Variants in CRNN observed in about 807,000 individuals in gnomAD.
CRNN encodes cornulin, also known as 53 kDa putative calcium-binding protein.
CRNN carries 39 observed loss-of-function variants against 44.7 expected under a neutral mutation model. The observed-to-expected ratio is 0.87, with a 90% confidence interval of 0.68 to 1.14. The LOEUF (loss-of-function observed/expected upper bound fraction) is 1.14. Ranked by LOEUF, CRNN falls within the 50% of genes most tolerant of loss-of-function variation. The pLI is 0.00. For missense variants in CRNN, 606 were observed against 605.1 expected, an observed-to-expected ratio of 1.00 and a Z score of -0.02; for synonymous variants, 240 against 231.8, an observed-to-expected ratio of 1.04 and a Z score of -0.32.
intron 1 of CRNN, 112 bp downstream of exon 1, chr1:152,414,102 C>G (rs2101707075): frequency 1.3e-5 from 2 of 152,390 alleles, no homozygotes; most frequent in African/African-American, 4.8e-5. Context: ...TTGCCCAGTG[C>G]TCACAGCTAG....
At chr1:152,413,152 A>G (rs1655820135) in intron 1 of CRNN, among the ~76,000 whole-genome samples, 2 of 152,216 alleles carry the variant, frequency 1.3e-5, no homozygotes, top group African/African-American at 4.8e-5. Flanking sequence ...CTTATCAGAG[A>G]AGTCAGCTTG....
chr1:152,410,680 C>T lies in CRNN; in HGVS notation c.402G>A (p.Gly134=), dbSNP rs774173143. Residue 134 remains glycine (G), a synonymous_variant, in exon 3 of 3, where the codon GGG becomes GGA. Transcript: ENST00000271835. Reference sequence around the variant, plus strand: ...CCTGCTGGCTCTGTCTGTGGCTGCTCCCCTCATAATGCTGCCCTTTCCCCG... The same window carrying T: ...CCTGCTGGCTCTGTCTGTGGCTGCTTCCCTCATAATGCTGCCCTTTCCCCG... ...GRAGKGQHYE[G]SSHRQSQQGS... 2 of 1,613,900 alleles carry T rather than the reference C, an allele frequency of 1.2e-6. No homozygotes were observed. Among genetic ancestry groups the T allele is most frequent in the African/African-American group, 1.3e-5 (1 of 74,920 alleles).
rs151187542 is a variant in CRNN at position 152,411,031 on chromosome 1, C to T, written c.139-88G>A. ...CCAATCTGCTGCCAGCTTCCCCTGC[C>T]TCAGACCCCACACTACACACACATA... On this transcript the variant is annotated intron_variant, in intron 2 of 2. Coordinates refer to ENST00000271835, the MANE Select transcript of CRNN (RefSeq NM_016190.3). 2.9e-4 allele frequency: 427 copies of T among 1,494,524 alleles called. 2 individuals are homozygous for T. In the African/African-American group the frequency reaches 4.7e-3, roughly 16 times the overall value. 92.6% of individuals were successfully genotyped at this position (1,494,524 alleles called of 1,614,324 possible). A position where few individuals can be genotyped will look rare whatever the true frequency, so the allele number is the denominator to read the frequency against.
Position 152,410,936 on chromosome 1 carries a change from T to C in CRNN, c.146A>G (p.His49Arg), listed in dbSNP as rs1485135170. The change falls in exon 3 of 3, where the codon CAC becomes CGC. Residue 49 changes from histidine to arginine, a missense_variant. Coordinates refer to ENST00000271835, the MANE Select transcript of CRNN (RefSeq NM_016190.3). ...QEFADVIVKPHDPATVDEVLR... is the reference protein window; with the variant it reads ...QEFADVIVKPRDPATVDEVLR... ...GACCTCATCCACAGTTGCTGGATCG[T>C]GGGGTTTCTGAGGAGAAGATGAGGT... 1 of 1,605,188 alleles carries C rather than the reference T, an allele frequency of 6.2e-7. No individual in the cohort carries two copies. The highest frequency in any genetic ancestry group is 1.3e-5 in the African/African-American group (1 of 74,892).
In CRNN at chr1:152,412,180, A is replaced by T; in HGVS notation, c.54T>A (p.Tyr18Ter). 6.2e-7 allele frequency: 1 copy of T among 1,613,736 alleles called. No homozygotes were observed. The highest frequency in any genetic ancestry group is 8.5e-7 in the Non-Finnish European group (1 of 1,179,664). ...INGIIEAFRR[Y>*]ARTEGNCTAL... is the part of the protein sequence containing the mutation. ...CTGTGCAGTTGCCCTCCGTCCTTGC[A>T]TAGCGCCTGAAGGCCTCGATGATCC... The change falls in exon 2 of 3, where the codon TAT (tyrosine) becomes TAA (stop). Residue 18 changes from tyrosine (Y) to a stop codon, truncating the protein, a stop_gained. Transcript: ENST00000271835. LOFTEE classifies it high-confidence loss of function.
rs751673809 is a variant in CRNN, at chr1:152,410,759, C to A, written c.323G>T (p.Gly108Val). The A allele has an allele frequency of 1.0e-4, 167 of 1,614,114 alleles. No homozygotes were observed. The highest frequency in any genetic ancestry group is 1.3e-4 in the Non-Finnish European group (152 of 1,180,054). The change falls in exon 3 of 3, where the codon GGG (glycine) becomes GTG (valine). Residue 108 changes from glycine (G) to valine (V), a missense_variant. Coordinates refer to ENST00000271835, the MANE Select transcript of CRNN (RefSeq NM_016190.3). ...TCCTTCGCCCAGCTCCTGCGAGGCC[C>A]CAGAGTGGAGGCTTCCAGACTCTTG... ...GSQESGSLHS[G>V]ASQELGEGQR...
intron 2 of CRNN, 125 bp downstream of exon 2, chr1:152,411,971 C>A: frequency 5.8e-6 from 6 of 1,028,178 alleles, no homozygotes; most frequent in Non-Finnish European, 8.2e-6. Flanking sequence ...GCACAGCTGC[C>A]ATCTGTCCCG....
rs41267180 is a variant in CRNN, at chr1:152,410,419, G to T, written c.663C>A (p.His221Gln). ...QPQTREQDRAHQTGETVTGSG... is the reference protein window; with the variant it reads ...QPQTREQDRAQQTGETVTGSG... ...ATCCAGTCACAGTCTCACCTGTCTGGTGGGCTCTGTCCTGTTCCCTGGTCT... is the reference window on the plus strand; with the variant it reads ...ATCCAGTCACAGTCTCACCTGTCTGTTGGGCTCTGTCCTGTTCCCTGGTCT... The change falls in exon 3 of 3, where the codon CAC becomes CAA. Residue 221 changes from histidine (H) to glutamine (Q), a missense_variant. Physicochemically the swap from His to Gln is conservative, Grantham distance 24. Transcript: ENST00000271835. The T allele has an allele frequency of 6.2e-7, 1 of 1,614,128 alleles. No individual in the cohort carries two copies. The highest frequency in any genetic ancestry group is 8.5e-7 in the Non-Finnish European group (1 of 1,180,012).
At chr1:152,414,157 A>G (rs1426357394) in intron 1 of CRNN, 57 bp downstream of exon 1, 1 of 152,284 alleles carries the variant, frequency 6.6e-6, no homozygotes, top group Non-Finnish European at 1.5e-5. Context: ...CAGTTTTATG[A>G]GCTCAGATCA....
chr1:152,409,303 G>A lies in CRNN; in HGVS notation c.*291C>T, dbSNP rs1184983343. On this transcript the variant is annotated 3_prime_UTR_variant, in exon 3 of 3. Transcript: ENST00000271835. ...GATGGGGCAATAGAGAGATGTCAGA[G>A]ATAAAAATAGTCCTGAAACCCCCCA... 4.9e-6 allele frequency: 2 copies of A among 405,226 alleles called. No individual in the cohort carries two copies. The highest frequency in any genetic ancestry group is 4.7e-5 in the East Asian group (1 of 21,084). The allele number at this position is 405,226 out of a possible 1,614,324, so 25.1% of individuals were successfully genotyped here. A position where few individuals can be genotyped will look rare whatever the true frequency, so the allele number is the denominator to read the frequency against.
At position 152,410,196 on chromosome 1, in the gene CRNN, G is replaced by A. The variant is rs200406645; in HGVS notation, c.886C>T (p.Gln296Ter). ...HAQIQAGTHT[Q>*]TPTQTVEQDS... The stretch of plus-strand genomic sequence containing the variant: ...TGCTCCACGGTCTGGGTGGGTGTCT[G>A]GGTGTGTGTCCCTGCCTGTATCTGA... The change falls in exon 3 of 3, where the codon CAG becomes TAG. Residue 296 changes from glutamine (Q) to a stop codon, truncating the protein, a stop_gained. Transcript: ENST00000271835. LOFTEE classifies it high-confidence loss of function. 6 of 1,598,860 alleles carry A rather than the reference G, an allele frequency of 3.8e-6. No individual in the cohort carries two copies. Among genetic ancestry groups the A allele is most frequent in the Admixed American group, 1.7e-5 (1 of 58,648 alleles).
intron 2 of CRNN, 99 bp from the exon 3 acceptor site, chr1:152,411,042 C>T (rs1570966399): frequency 6.8e-7 from 1 of 1,475,460 alleles, no homozygotes; most frequent in South Asian, 1.4e-5. Flanking sequence ...TCAGACCCCA[C>T]ACTACACACA....
In CRNN at chr1:152,410,655, C is replaced by T. The variant is rs138272209; in HGVS notation, c.427G>A (p.Gly143Ser). The T allele has an allele frequency of 8.1e-6, 13 of 1,614,106 alleles. No homozygotes were observed. The highest frequency in any genetic ancestry group is 1.6e-4 in the Middle Eastern group (1 of 6,062). ...EGSSHRQSQQ[G>S]SRGQNRPGVQ... Reference sequence around the variant, plus strand: ...CCAGGCCTGTTCTGCCCTCTGGAACCCTGCTGGCTCTGTCTGTGGCTGCTC... The same window carrying T: ...CCAGGCCTGTTCTGCCCTCTGGAACTCTGCTGGCTCTGTCTGTGGCTGCTC... The change falls in exon 3 of 3, where the codon GGT becomes AGT. Residue 143 changes from glycine to serine, a missense_variant. Physicochemically the swap from Gly to Ser is moderately conservative, Grantham distance 56. Transcript: ENST00000271835.
rs1655723164 is a variant in CRNN at position 152,410,547 on chromosome 1, T to C, written c.535A>G (p.Ile179Val). The C allele has an allele frequency of 3.1e-6, 5 of 1,614,178 alleles. No homozygotes were observed. Among genetic ancestry groups the C allele is most frequent in the Non-Finnish European group, 4.2e-6 (5 of 1,180,036 alleles). Reference protein sequence around the residue: ...RQAESQSQERISPQIQLSGQT... With the variant: ...RQAESQSQERVSPQIQLSGQT... ...CCAGAGAGTTGTATCTGCGGGCTTATTCTTTCCTGGCTCTGGGACTCAGCT... is the reference window on the plus strand; with the variant it reads ...CCAGAGAGTTGTATCTGCGGGCTTACTCTTTCCTGGCTCTGGGACTCAGCT... The change falls in exon 3 of 3, where the codon ATA becomes GTA. Residue 179 changes from isoleucine to valine, a missense_variant. Transcript: ENST00000271835.
chr1:152,409,552 C>T lies in CRNN; in HGVS notation c.*42G>A, dbSNP rs1655685212. Reference sequence around the variant, plus strand: ...CCATGCAGGACAAGCCAAACTCTCTCCAGCTGTCTTCTTCCAGTACTGGAC... The same window carrying T: ...CCATGCAGGACAAGCCAAACTCTCTTCAGCTGTCTTCTTCCAGTACTGGAC... On this transcript the variant is annotated 3_prime_UTR_variant, in exon 3 of 3. Transcript: ENST00000271835. 1 of 1,572,500 alleles carries T rather than the reference C, an allele frequency of 6.4e-7. No homozygotes were observed. Among genetic ancestry groups the T allele is most frequent in the African/African-American group, 1.3e-5 (1 of 74,346 alleles).
rs776085317 is a variant in CRNN, at chr1:152,412,145, C to T, written c.89G>A (p.Arg30Gln). 3.5e-5 allele frequency: 57 copies of T among 1,613,070 alleles called. No homozygotes were observed. The Admixed American group carries it at 6.8e-4, about 19-fold the overall frequency. The change falls in exon 2 of 3, where the codon CGA becomes CAA. Residue 30 changes from arginine (R) to glutamine (Q), a missense_variant. Transcript: ENST00000271835. ...RTEGNCTALT[R>Q]GELKRLLEQE... Reference sequence around the variant, plus strand: ...CTCCAAGAGTCTTTTCAGCTCCCCTCGGGTGAGCGCTGTGCAGTTGCCCTC... The same window carrying T: ...CTCCAAGAGTCTTTTCAGCTCCCCTTGGGTGAGCGCTGTGCAGTTGCCCTC...
In CRNN at chr1:152,409,759, T is replaced by C; in HGVS notation, c.1323A>G (p.Glu441=). ...TCTCCCTTGAGTGGTCATCAACCCA[T>C]TCCTCACCAACCACTGTGGGCTGTC... ...GDRQPTVVGE[E]WVDDHSRETV... Residue 441 remains glutamate, a synonymous_variant, in exon 3 of 3, where the codon GAA becomes GAG. Transcript: ENST00000271835. 6.2e-7 allele frequency: 1 copy of C among 1,614,200 alleles called. No homozygotes were observed. Among genetic ancestry groups the C allele is most frequent in the Non-Finnish European group, 8.5e-7 (1 of 1,180,028 alleles).
At chr1:152,411,068 G>A in intron 2 of CRNN, 125 bp from the exon 3 acceptor site, 1 of 1,411,382 alleles carries the variant, frequency 7.1e-7, no homozygotes, top group Non-Finnish European at 9.2e-7. Flanking sequence ...GGCTAGAGCA[G>A]CAGCAAGACT....
Position 152,410,473 on chromosome 1 carries a change from TGTC to T in CRNN, c.606_608del (p.Thr204del), listed in dbSNP as rs749796525. ...GCTGTCTCTCTGGCCTCATCTCTGT[TGTC>T]TGATTCCTCTTGCCTTCTCCAGCTT... On this transcript the variant is annotated inframe_deletion, in exon 3 of 3. Coordinates refer to ENST00000271835, the MANE Select transcript of CRNN (RefSeq NM_016190.3). 4.3e-6 allele frequency: 7 copies of T among 1,614,070 alleles called. No homozygotes were observed. Among genetic ancestry groups the T allele is most frequent in the Non-Finnish European group, 5.9e-6 (7 of 1,180,036 alleles).
Sources: gnomAD v4.1 joint callset for allele counts (sites outside exome capture counted in the v4.1 genomes callset) on GRCh38, gnomAD v4.1.1 for gene constraint, MANE v1.5 for transcripts, NCBI Gene and HGNC (gene_info 2026-07-23, HGNC 2026-07-21) for gene names.